Variants in AGO3 observed in about 807,000 individuals in gnomAD.
AGO3 encodes protein argonaute-3.
A neutral mutation model predicts 105.5 loss-of-function variants in AGO3; 16 were observed. The ratio of observed to expected loss-of-function variants is 0.15; its 90% confidence interval spans 0.10 to 0.23. The LOEUF (loss-of-function observed/expected upper bound fraction) is 0.23. Among genes scored for constraint, AGO3 ranks in the 10% least tolerant of loss-of-function variants. The pLI is 1.00. For synonymous variants in AGO3, 340 were observed against 367.3 expected, an observed-to-expected ratio of 0.93 and a Z score of 0.85; for missense variants, 534 against 1,088.0, an observed-to-expected ratio of 0.49 and a Z score of 7.16.
At position 36,058,303 on chromosome 1, in the gene AGO3, A is replaced by G. The variant is rs969267249; in HGVS notation, c.*2558A>G. Reference sequence around the variant, plus strand: ...CAGTTAAATCACTGAAACGTGGGAAATTGTTTTACAAAACTTTTATTGATT... The same window carrying G: ...CAGTTAAATCACTGAAACGTGGGAAGTTGTTTTACAAAACTTTTATTGATT... On this transcript the variant is annotated 3_prime_UTR_variant, in exon 19 of 19. Coordinates refer to ENST00000373191, the MANE Select transcript of AGO3 (RefSeq NM_024852.4). The G allele has an allele frequency of 2.6e-5, 4 of 152,216 alleles. No homozygotes were observed. The highest frequency in any genetic ancestry group is 2.1e-4 in the South Asian group (1 of 4,836). 9.4% of individuals were successfully genotyped at this position (152,216 alleles called of 1,614,324 possible).
At chr1:35,952,915 A>G (rs1411658041) in intron 2 of AGO3, among the ~76,000 whole-genome samples, 1 of 152,230 alleles carries the variant, frequency 6.6e-6, no homozygotes, top group Non-Finnish European at 1.5e-5. Flanking sequence ...GCTGAATAAT[A>G]TTCCATTGTA....
intron 2 of AGO3, among the ~76,000 whole-genome samples, chr1:35,961,008 A>G (rs1356038553): frequency 6.8e-6 from 1 of 147,256 alleles, no homozygotes; most frequent in Non-Finnish European, 1.5e-5. Flanking sequence ...CAGTGGTGCG[A>G]TCTTGGCTCA....
At chr1:35,978,784 C>G (rs1422322543) in intron 5 of AGO3, among the ~76,000 whole-genome samples, 4 of 152,082 alleles carry the variant, frequency 2.6e-5, no homozygotes, top group African/African-American at 9.7e-5. Context: ...TCTATTTTAG[C>G]TAGATTAGTA....
intron 1 of AGO3, among the ~76,000 whole-genome samples, chr1:35,933,568 G>T (rs184902033): frequency 9.9e-5 from 13 of 131,482 alleles, no homozygotes; most frequent in Admixed American, 1.9e-4. Flanking sequence ...ATTGAGCCCA[G>T]AAGGCAGAGA....
intron 2 of AGO3, among the ~76,000 whole-genome samples, chr1:35,961,674 G>A (rs894316159): frequency 1.3e-5 from 2 of 151,922 alleles, no homozygotes; most frequent in African/African-American, 4.8e-5. Context: ...CATTATATTT[G>A]AATTTTTAGG....
chr1:35,938,549 ATAG>A (rs1411464245), intron 1 of AGO3, among the ~76,000 whole-genome samples: 3 of 152,148 alleles, frequency 2.0e-5, no homozygotes, highest in African/African-American at 4.8e-5. Flanking sequence ...CATCTATATA[ATAG>A]TATAATAATT....
At chr1:36,052,854 AT>A (rs1557716589) in intron 17 of AGO3, among the ~76,000 whole-genome samples, 1 of 152,186 alleles carries the variant, frequency 6.6e-6, no homozygotes, top group African/African-American at 2.4e-5. Context: ...TCTATAAAAA[AT>A]AAAAAAATTA....
At chr1:35,977,391 ATTTT>A (rs35048209) in intron 5 of AGO3, among the ~76,000 whole-genome samples, 2 of 128,324 alleles carry the variant, frequency 1.6e-5, no homozygotes, top group Admixed American at 8.0e-5. Context: ...CGTTATTATG[ATTTT>A]TTTTTTTTTT....
chr1:36,053,587 A>G (rs990815321), intron 17 of AGO3, among the ~76,000 whole-genome samples: 2 of 151,266 alleles, frequency 1.3e-5, no homozygotes, highest in African/African-American at 4.9e-5. Context: ...TTTTTGTTTT[A>G]TTATTTATTT....
At chr1:35,974,138 A>C (rs936537303) in intron 5 of AGO3, among the ~76,000 whole-genome samples, 12 of 152,210 alleles carry the variant, frequency 7.9e-5, no homozygotes, top group African/African-American at 2.9e-4. Context: ...AAAACTATGG[A>C]TATTTTCTTA....
intron 9 of AGO3, among the ~76,000 whole-genome samples, chr1:36,012,090 T>C (rs1640641533): frequency 6.6e-6 from 1 of 152,050 alleles, no homozygotes; most frequent in Admixed American, 6.6e-5. Context: ...ACCCCATCAC[T>C]TTGGGAGGCC....
At chr1:36,007,449 C>T (rs1156475907) in intron 6 of AGO3, among the ~76,000 whole-genome samples, 1 of 152,136 alleles carries the variant, frequency 6.6e-6, no homozygotes, top group Non-Finnish European at 1.5e-5. Context: ...GTAATCTCAA[C>T]ACTTTGGGAG....
At chr1:35,996,792 G>A (rs1421734579) in intron 5 of AGO3, among the ~76,000 whole-genome samples, 4 of 150,442 alleles carry the variant, frequency 2.7e-5, no homozygotes, top group African/African-American at 9.8e-5. Context: ...AAAATTATAT[G>A]TGAATGGCCA....
At chr1:36,019,206 A>G (rs1641080728) in intron 11 of AGO3, among the ~76,000 whole-genome samples, 1 of 152,164 alleles carries the variant, frequency 6.6e-6, no homozygotes, top group Non-Finnish European at 1.5e-5. Flanking sequence ...GGCATAATAC[A>G]TTACAGCCTT....
chr1:35,945,717 C>G lies in AGO3; in HGVS notation c.45C>G (p.Leu15=). 1.2e-6 allele frequency: 2 copies of G among 1,612,836 alleles called. No individual in the cohort carries two copies. Among genetic ancestry groups the G allele is most frequent in the Non-Finnish European group, 1.7e-6 (2 of 1,179,982 alleles). ...GACCCGCTGGGGCCCAGCCCCTACTCATGGTGCCCAGAAGACCTGGCTATG... is the reference window on the plus strand; with the variant it reads ...GACCCGCTGGGGCCCAGCCCCTACTGATGGTGCCCAGAAGACCTGGCTATG... The part of the protein sequence containing the change: ...SAGPAGAQPL[L]MVPRRPGYGT... The change falls in exon 2 of 19, where the codon CTC becomes CTG. Residue 15 remains leucine (L), a synonymous_variant. Coordinates refer to ENST00000373191, the MANE Select transcript of AGO3 (RefSeq NM_024852.4).
chr1:35,949,006 C>T (rs559117498), intron 2 of AGO3, among the ~76,000 whole-genome samples: 14 of 152,006 alleles, frequency 9.2e-5, no homozygotes, highest in Non-Finnish European at 1.5e-4. Flanking sequence ...TGCAATGGCA[C>T]GATCTCGGCT....
chr1:35,960,202 T>C (rs528583713), intron 2 of AGO3, among the ~76,000 whole-genome samples: 2 of 152,300 alleles, frequency 1.3e-5, no homozygotes, highest in South Asian at 4.1e-4. Context: ...ATTACTGTTC[T>C]AAAGAGTGTT....
intron 5 of AGO3, among the ~76,000 whole-genome samples, chr1:35,974,091 A>G (rs1222389674): frequency 6.6e-6 from 1 of 152,148 alleles, no homozygotes; most frequent in Non-Finnish European, 1.5e-5. Flanking sequence ...TCCAGACAGC[A>G]TGTTATTTTA....
intron 1 of AGO3, among the ~76,000 whole-genome samples, chr1:35,945,374 T>A (rs1251313931): frequency 6.6e-6 from 1 of 152,054 alleles, no homozygotes; most frequent in African/African-American, 2.4e-5. Flanking sequence ...TTTCTTTAAC[T>A]TTACTTTGCT....
Sources: gnomAD v4.1 joint callset for allele counts (sites outside exome capture counted in the v4.1 genomes callset) on GRCh38, gnomAD v4.1.1 for gene constraint, MANE v1.5 for transcripts, NCBI Gene and HGNC (gene_info 2026-07-23, HGNC 2026-07-21) for gene names.